Variants in METTL8 observed in about 807,000 individuals in gnomAD.
The protein encoded by METTL8 is tRNA N(3)-cytidine methyltransferase METTL8, mitochondrial.
In METTL8, 32 loss-of-function variants were observed where a neutral mutation model predicts 48.7. The ratio of observed to expected loss-of-function variants is 0.66; its 90% CI spans 0.50 to 0.88. The LOEUF is 0.88. Among genes scored for constraint, METTL8 ranks in the 40% least tolerant of loss-of-function variants. The pLI is 0.00. For missense variants in METTL8, 464 were observed against 474.4 expected (o/e 0.98, Z 0.20); for synonymous variants, 136 against 157.1 (o/e 0.87, Z 1.01).
At chr2:171,332,098 C>T (rs2105400377) in intron 5 of METTL8, 1 of 402,438 alleles carries the variant, frequency 2.5e-6, no homozygotes, top group African/African-American at 2.0e-5. Context: ...GTTGCCCAGG[C>T]TGGTCTTGAA....
At chr2:171,366,238 G>T (rs564784117) in intron 2 of METTL8, among the ~76,000 whole-genome samples, 1 of 152,248 alleles carries the variant, frequency 6.6e-6, no homozygotes, top group Non-Finnish European at 1.5e-5. Flanking sequence ...AAGCCACAGT[G>T]GAAAGATCTA....
intron 1 of METTL8, among the ~76,000 whole-genome samples, chr2:171,429,225 G>A (rs1464850868): frequency 1.3e-5 from 2 of 152,180 alleles, no homozygotes; most frequent in Admixed American, 1.3e-4. Flanking sequence ...GTGTGTTTAG[G>A]AGTGTATTGC....
At chr2:171,338,548 G>A (rs1005259227) in intron 4 of METTL8, among the ~76,000 whole-genome samples, 2 of 151,678 alleles carry the variant, frequency 1.3e-5, no homozygotes, top group Admixed American at 6.6e-5. Context: ...ACTGAGGCAG[G>A]AGAATTGCTT....
intron 5 of METTL8, among the ~76,000 whole-genome samples, chr2:171,333,458 C>T (rs1159439075): frequency 6.6e-6 from 1 of 152,194 alleles, no homozygotes; most frequent in Non-Finnish European, 1.5e-5. Context: ...ATAATTCACT[C>T]ATTCTATGGC....
At chr2:171,395,559 A>T (rs759686788) in intron 1 of METTL8, among the ~76,000 whole-genome samples, 56 of 152,372 alleles carry the variant, frequency 3.7e-4, no homozygotes, top group Middle Eastern at 3.4e-3. Context: ...TTAATAGACA[A>T]AGTAGACTTC....
At chr2:171,358,812 T>C (rs1684856799) in intron 3 of METTL8, among the ~76,000 whole-genome samples, 2 of 151,810 alleles carry the variant, frequency 1.3e-5, no homozygotes, top group Non-Finnish European at 2.9e-5. Flanking sequence ...AAAGCGAAAA[T>C]AGAAAATGGG....
intron 8 of METTL8, 44 bp from the exon 9 acceptor site, chr2:171,325,950 T>TAA: frequency 1.5e-6 from 2 of 1,347,856 alleles, no homozygotes; most frequent in Non-Finnish European, 2.1e-6. Flanking sequence ...GGTATTCCTT[T>TAA]AAAAAAAAAC....
chr2:171,350,720 T>C (rs1188273780), intron 3 of METTL8, among the ~76,000 whole-genome samples: 3 of 152,262 alleles, frequency 2.0e-5, no homozygotes, highest in African/African-American at 7.2e-5. Flanking sequence ...CCAGTGATGA[T>C]GAGCATTTTT....
chr2:171,377,615 C>G (rs1457854685), intron 2 of METTL8, among the ~76,000 whole-genome samples: 2 of 151,972 alleles, frequency 1.3e-5, no homozygotes, highest in African/African-American at 4.8e-5. Flanking sequence ...GTACAAACAG[C>G]CAACAAACAT....
intron 3 of METTL8, among the ~76,000 whole-genome samples, chr2:171,351,255 C>T (rs1026316640): frequency 6.6e-6 from 1 of 152,094 alleles, no homozygotes; most frequent in African/African-American, 2.4e-5. Context: ...TCAGGTTTGT[C>T]AAAGATCAGA....
chr2:171,363,817 T>TATATATATATATATG (rs1228494441), intron 2 of METTL8, among the ~76,000 whole-genome samples: 1 of 129,010 alleles, frequency 7.8e-6, no homozygotes, highest in African/African-American at 2.9e-5. Flanking sequence ...TATATATATC[T>TATATATATATATATG]TTTTTTTTTT....
At chr2:171,419,908 T>C (rs1218095596) in intron 1 of METTL8, among the ~76,000 whole-genome samples, 1 of 152,118 alleles carries the variant, frequency 6.6e-6, no homozygotes, top group Non-Finnish European at 1.5e-5. Flanking sequence ...CCAAACTCCC[T>C]GTTTCTGTTA....
At chr2:171,432,564 T>G (rs1171820632) in intron 1 of METTL8, among the ~76,000 whole-genome samples, 3 of 152,244 alleles carry the variant, frequency 2.0e-5, no homozygotes, top group African/African-American at 7.2e-5. Flanking sequence ...TCCAGTTTTC[T>G]CAGTGACAGC....
chr2:171,324,433 T>C, intron 9 of METTL8, 71 bp from the exon 10 acceptor site: 1 of 1,275,860 alleles, frequency 7.8e-7, no homozygotes, highest in African/African-American at 1.5e-5. Context: ...AGTAGAACAC[T>C]GATGGAATAA....
chr2:171,356,567 C>A (rs1684564677), intron 3 of METTL8, among the ~76,000 whole-genome samples: 1 of 152,020 alleles, frequency 6.6e-6, no homozygotes, highest in African/African-American at 2.4e-5. Context: ...TCTTCACCCC[C>A]CACCCCTTCC....
intron 1 of METTL8, among the ~76,000 whole-genome samples, chr2:171,405,237 T>A (rs976120606): frequency 6.6e-6 from 1 of 152,022 alleles, no homozygotes; most frequent in Non-Finnish European, 1.5e-5. Context: ...GCTAGAGATG[T>A]GTATCTGGGA....
At chr2:171,425,582 G>T (rs1692322366) in intron 1 of METTL8, among the ~76,000 whole-genome samples, 1 of 152,180 alleles carries the variant, frequency 6.6e-6, no homozygotes, top group Non-Finnish European at 1.5e-5. Flanking sequence ...GCTAGGAATG[G>T]AATTGTGTCA....
chr2:171,368,150 T>C (rs1053205107), intron 2 of METTL8, among the ~76,000 whole-genome samples: 2 of 152,242 alleles, frequency 1.3e-5, no homozygotes, highest in Admixed American at 6.5e-5. Context: ...TGCTGATTGA[T>C]GAAGCAGTAA....
At chr2:171,401,687 G>A (rs577632465) in intron 1 of METTL8, among the ~76,000 whole-genome samples, 2 of 152,198 alleles carry the variant, frequency 1.3e-5, no homozygotes, top group Admixed American at 6.5e-5. Flanking sequence ...TTCTCTGGAC[G>A]TTGTCTCCAA....
Sources: allele counts gnomAD v4.1 joint callset (sites outside exome capture counted in the v4.1 genomes callset), GRCh38; gene constraint gnomAD v4.1.1; transcripts MANE v1.5; gene names NCBI Gene and HGNC (gene_info 2026-07-23, HGNC 2026-07-21).